TMEM255B: variants seen among roughly 807,000 people sequenced by gnomAD.
TMEM255B encodes family with sequence similarity 70, member B.
TMEM255B carries 35 observed loss-of-function variants against 34.5 expected under a neutral mutation model. The observed-to-expected ratio is 1.01, with a 90% confidence interval of 0.77 to 1.34. The LOEUF (loss-of-function observed/expected upper bound fraction) is 1.34. Among genes scored for constraint, TMEM255B ranks in the 40% most tolerant of loss-of-function variants. TMEM255B has a pLI of 0.00. For missense variants in TMEM255B, 432 were observed against 433.2 expected (o/e 1.00, Z 0.02); for synonymous variants, 206 against 201.2 (o/e 1.02, Z -0.20).
At position 113,799,332 on chromosome 13, in the gene TMEM255B, T is replaced by G. The variant is rs757345532; in HGVS notation, c.343-7T>G. ...TTTATTCCATCTGTGTTTATCTGTT[T>G]CTCTAGGAACCGAGGCCCCTCACCA... On this transcript the variant is annotated splice_region_variant and splice_polypyrimidine_tract_variant and intron_variant, in intron 4 of 8. Transcript: ENST00000375353. The G allele has an allele frequency of 1.2e-6, 2 of 1,613,788 alleles. No individual in the cohort carries two copies. Among genetic ancestry groups the G allele is most frequent in the Non-Finnish European group, 1.7e-6 (2 of 1,179,970 alleles).
chr13:113,759,351 C>T (rs1349140176), intron 1 of TMEM255B, 36 bp downstream of exon 1: 2 of 1,228,780 alleles, frequency 1.6e-6, no homozygotes, highest in Middle Eastern at 3.1e-4. Flanking sequence ...TCGGCTCCTG[C>T]GGGGGAGCGT....
chr13:113,808,797 G>GC (rs150188630), intron 8 of TMEM255B, among the ~76,000 whole-genome samples: 37 of 115,624 alleles, frequency 3.2e-4, no homozygotes, highest in African/African-American at 1.3e-3. Context: ...GTTCCTGGGG[G>GC]GGGGGTTACT....
At chr13:113,800,301 CTGTG>C (rs1220505809) in intron 5 of TMEM255B, among the ~76,000 whole-genome samples, 13,857 of 96,866 alleles carry the variant, frequency 0.14, 814 homozygotes, top group Middle Eastern at 0.21. Context: ...GAGGCGTCCT[CTGTG>C]TGTGTGTGTG....
At position 113,811,921 on chromosome 13, in the gene TMEM255B, A is replaced by C; in HGVS notation, c.*18A>C. 1 of 1,554,190 alleles carries C rather than the reference A, an allele frequency of 6.4e-7. No individual in the cohort carries two copies. The highest frequency in any genetic ancestry group is 8.7e-7 in the Non-Finnish European group (1 of 1,154,878). On this transcript the variant is annotated 3_prime_UTR_variant, in exon 9 of 9. Coordinates refer to ENST00000375353, the MANE Select transcript of TMEM255B (RefSeq NM_182614.4). Reference sequence around the variant, plus strand: ...CACCCTGATAGAGGCGTGGAGTAAAAGATAACTTGTTTGTTTTTTTTTTTA... The same window carrying C: ...CACCCTGATAGAGGCGTGGAGTAAACGATAACTTGTTTGTTTTTTTTTTTA...
chr13:113,811,173 GGTCTGTGGGGTGGGGGCC>G (rs2051291741), intron 8 of TMEM255B, among the ~76,000 whole-genome samples: 1 of 142,320 alleles, frequency 7.0e-6, no homozygotes, highest in African/African-American at 2.6e-5. Context: ...AGTGGTCCTG[GGTCTGTGGGGTGGGGGCC>G]AGTGAGAGAG....
At chr13:113,811,023 T>G (rs2051286780) in intron 8 of TMEM255B, among the ~76,000 whole-genome samples, 1 of 152,080 alleles carries the variant, frequency 6.6e-6, no homozygotes, top group South Asian at 2.1e-4. Context: ...ACACCCTTCC[T>G]GGGGCGTCCA....
At chr13:113,790,974 C>T (rs978657162) in intron 3 of TMEM255B, among the ~76,000 whole-genome samples, 12 of 152,216 alleles carry the variant, frequency 7.9e-5, no homozygotes, top group Admixed American at 3.3e-4. Context: ...CGAGGACGTT[C>T]GCAGGGTGGG....
intron 3 of TMEM255B, among the ~76,000 whole-genome samples, chr13:113,782,699 C>T (rs1054609431): frequency 6.6e-6 from 1 of 152,048 alleles, no homozygotes; most frequent in Admixed American, 6.6e-5. Context: ...TTATGAGCCC[C>T]ACCTGAACGG....
At chr13:113,765,926 T>C (rs1016309562) in intron 1 of TMEM255B, among the ~76,000 whole-genome samples, 189 bp from the exon 2 acceptor site, 5 of 152,204 alleles carry the variant, frequency 3.3e-5, no homozygotes, top group Non-Finnish European at 7.3e-5. Context: ...GTATAGTGGC[T>C]TATGGTCCAG....
chr13:113,792,878 A>G (rs923640860), intron 3 of TMEM255B, among the ~76,000 whole-genome samples: 6 of 152,216 alleles, frequency 3.9e-5, no homozygotes, highest in African/African-American at 1.4e-4. Context: ...AATGCCAGAA[A>G]CGTGAGACGC....
intron 6 of TMEM255B, among the ~76,000 whole-genome samples, chr13:113,801,383 C>A (rs906728945): frequency 6.6e-6 from 1 of 152,194 alleles, no homozygotes; most frequent in African/African-American, 2.4e-5. Context: ...CCCAGACACC[C>A]GTCCTGCCAG....
In TMEM255B at chr13:113,800,898, C is replaced by G. The variant is rs1199419825; in HGVS notation, c.495C>G (p.Leu165=). 3.7e-6 allele frequency: 6 copies of G among 1,609,854 alleles called. No homozygotes were observed. The highest frequency in any genetic ancestry group is 4.2e-6 in the Non-Finnish European group (5 of 1,178,622). The change falls in exon 6 of 9, where the codon CTC becomes CTG. Residue 165 remains leucine, a synonymous_variant. Transcript: ENST00000375353. ...GCAACACCTGTTACTGCTGTGACCT[C>G]TATGCCTGCGGGAGGTGAGGGGCAC... ...VRSNTCYCCD[L]YACGSAEPSP...
At chr13:113,794,660 A>G (rs1050007503) in intron 3 of TMEM255B, among the ~76,000 whole-genome samples, 8 of 152,196 alleles carry the variant, frequency 5.3e-5, no homozygotes, top group Admixed American at 5.2e-4. Context: ...AGAAATTGCC[A>G]ACTGTTTAAC....
chr13:113,800,116 C>T (rs1202478391), intron 5 of TMEM255B: 48 of 1,103,328 alleles, frequency 4.4e-5, no homozygotes, highest in South Asian at 9.1e-5. Flanking sequence ...AGGCAGGAGG[C>T]GTCCCGTGTG....
chr13:113,777,936 C>T (rs1176256898), intron 3 of TMEM255B, among the ~76,000 whole-genome samples: 3 of 152,204 alleles, frequency 2.0e-5, no homozygotes, highest in Non-Finnish European at 2.9e-5. Flanking sequence ...GGCAGTGCTG[C>T]GTGGTCTCTG....
At chr13:113,778,548 C>G (rs1179371993) in intron 3 of TMEM255B, among the ~76,000 whole-genome samples, 1 of 147,206 alleles carries the variant, frequency 6.8e-6, no homozygotes, top group Non-Finnish European at 1.5e-5. Flanking sequence ...CTCGATTTCA[C>G]CTGCTGTAAT....
intron 4 of TMEM255B, among the ~76,000 whole-genome samples, chr13:113,797,129 AG>A (rs1451969019): frequency 6.6e-6 from 1 of 152,102 alleles, no homozygotes. Flanking sequence ...GGGTGTCCCC[AG>A]GTTCCGGACC....
chr13:113,806,192 C>T lies in TMEM255B; in HGVS notation c.813+1164C>T, dbSNP rs530190159. Among the ~76,000 whole-genome samples the T allele has an allele frequency of 7.2e-5, 11 of 152,242 alleles. No individual in the cohort carries two copies. The highest frequency in any genetic ancestry group is 1.9e-4 in the East Asian group (1 of 5,164). On this transcript the variant is annotated intron_variant, in intron 8 of 8. Coordinates refer to ENST00000375353, the MANE Select transcript of TMEM255B (RefSeq NM_182614.4). This position sits in a 1 kb window ranked among gnomAD's most constrained non-coding sequence, Gnocchi z 4.2. ...AGAGGGCTCAGGTTTGAGCGGGGCC[C>T]GAGAGCCACGACCTTCTCAGCTCAC...
chr13:113,789,482 C>T (rs372188314), intron 3 of TMEM255B, among the ~76,000 whole-genome samples: 1 of 152,236 alleles, frequency 6.6e-6, no homozygotes, highest in Non-Finnish European at 1.5e-5. Context: ...GGAGAAAAGT[C>T]GTGACAGAGC....
Sources: allele counts gnomAD v4.1 joint callset (sites outside exome capture counted in the v4.1 genomes callset), GRCh38; gene constraint gnomAD v4.1.1; non-coding constraint Gnocchi (gnomAD v3.1); transcripts MANE v1.5; gene names NCBI Gene and HGNC (gene_info 2026-07-23, HGNC 2026-07-21).